SLC35F4: variants seen among roughly 807,000 people sequenced by gnomAD.
SLC35F4 encodes the protein solute carrier family 35 member F4, also known as chromosome 14 open reading frame 36.
A neutral mutation model predicts 44.2 loss-of-function variants in SLC35F4; 24 were observed. The observed-to-expected ratio is 0.54, with a 90% CI of 0.39 to 0.76. SLC35F4 has a LOEUF of 0.76. Among genes scored for constraint, SLC35F4 ranks in the 30% least tolerant of loss-of-function variants. The pLI, the probability that SLC35F4 is intolerant of heterozygous loss-of-function variation, is 0.00. For synonymous variants in SLC35F4, 238 were observed against 223.6 expected (o/e 1.06, Z -0.57); for missense variants, 562 against 586.1 (o/e 0.96, Z 0.42).
At chr14:57,958,312 C>A (rs1250238929) in intron 1 of SLC35F4, among the ~76,000 whole-genome samples, 1 of 152,158 alleles carries the variant, frequency 6.6e-6, no homozygotes, top group Non-Finnish European at 1.5e-5. Context: ...CCCGCCTCAG[C>A]CTCCCAAAGT....
At chr14:57,577,303 C>T (rs149452745) in intron 4 of SLC35F4, among the ~76,000 whole-genome samples, 37 of 152,102 alleles carry the variant, frequency 2.4e-4, no homozygotes, top group African/African-American at 8.2e-4. Flanking sequence ...TTTGGTAGAT[C>T]CTGGAAAGTC....
chr14:57,588,716 A>G (rs2069957085), intron 3 of SLC35F4, among the ~76,000 whole-genome samples: 1 of 152,208 alleles, frequency 6.6e-6, no homozygotes, highest in African/African-American at 2.4e-5. Flanking sequence ...GTTGCATGAA[A>G]TCAGGCCATG....
chr14:57,929,492 T>C (rs753308150), intron 1 of SLC35F4, among the ~76,000 whole-genome samples: 7 of 152,034 alleles, frequency 4.6e-5, no homozygotes, highest in Non-Finnish European at 7.4e-5. Context: ...GAACCATTAG[T>C]GTTCAGGAGA....
chr14:57,757,406 T>C (rs1415976926), intron 1 of SLC35F4, among the ~76,000 whole-genome samples: 1 of 152,186 alleles, frequency 6.6e-6, no homozygotes, highest in Non-Finnish European at 1.5e-5. Flanking sequence ...TTGATATTTG[T>C]TTTTATTAGC....
chr14:57,616,881 G>A (rs2071861516), intron 1 of SLC35F4, among the ~76,000 whole-genome samples: 1 of 151,972 alleles, frequency 6.6e-6, no homozygotes, highest in Non-Finnish European at 1.5e-5. Context: ...GGCTATAGCT[G>A]ACTAAACCTT....
chr14:57,841,597 G>T (rs567067092), intron 1 of SLC35F4, among the ~76,000 whole-genome samples: 20 of 152,276 alleles, frequency 1.3e-4, no homozygotes, highest in African/African-American at 4.8e-4. Flanking sequence ...GGTATCCACT[G>T]GCCTACTGAT....
chr14:57,703,531 G>A (rs113797395), intron 1 of SLC35F4, among the ~76,000 whole-genome samples: 200 of 152,238 alleles, frequency 1.3e-3, no homozygotes, highest in African/African-American at 4.4e-3. Flanking sequence ...CCAACAAGTG[G>A]GCAGTGGTAG....
upstream of SLC35F4, among the ~76,000 whole-genome samples, chr14:57,866,857 G>A (rs908058357): frequency 6.6e-6 from 1 of 151,866 alleles, no homozygotes; most frequent in African/African-American, 2.4e-5. Context: ...CTCCCCTCAG[G>A]TGTGGGACTC....
chr14:57,655,142 T>G (rs1437205853), intron 1 of SLC35F4, among the ~76,000 whole-genome samples: 1 of 152,182 alleles, frequency 6.6e-6, no homozygotes, highest in East Asian at 1.9e-4. Flanking sequence ...TACTTAGAAC[T>G]GAGAGCCATC....
At chr14:57,790,933 G>A (rs1228625883) in intron 1 of SLC35F4, among the ~76,000 whole-genome samples, 4 of 152,168 alleles carry the variant, frequency 2.6e-5, no homozygotes, top group Admixed American at 1.3e-4. Context: ...CTAGCCGTAT[G>A]CGGAAAACTG....
intron 1 of SLC35F4, among the ~76,000 whole-genome samples, chr14:57,642,562 T>TA (rs1420314634): frequency 3.9e-5 from 6 of 151,946 alleles, no homozygotes; most frequent in South Asian, 2.1e-4. Flanking sequence ...ACTTCTTATC[T>TA]AAAAACACAA....
At chr14:57,963,080 G>T (rs955483284) in intron 1 of SLC35F4, among the ~76,000 whole-genome samples, 1 of 152,186 alleles carries the variant, frequency 6.6e-6, no homozygotes, top group Non-Finnish European at 1.5e-5. Flanking sequence ...GTTGCTCAAA[G>T]GTCACTCCTT....
chr14:57,918,294 C>CTCA (rs1260424362), intron 1 of SLC35F4, among the ~76,000 whole-genome samples: 2 of 152,124 alleles, frequency 1.3e-5, no homozygotes, highest in African/African-American at 4.8e-5. Flanking sequence ...CCACCCTGAA[C>CTCA]CTCCAGCAAT....
chr14:57,750,730 G>A (rs1026822891), intron 1 of SLC35F4, among the ~76,000 whole-genome samples: 3 of 145,718 alleles, frequency 2.1e-5, no homozygotes, highest in African/African-American at 7.3e-5. Flanking sequence ...GAATTATTTG[G>A]GTTTGTTGTT....
At chr14:57,752,393 T>C (rs773569575) in intron 1 of SLC35F4, among the ~76,000 whole-genome samples, 8 of 152,052 alleles carry the variant, frequency 5.3e-5, no homozygotes, top group Non-Finnish European at 7.4e-5. Flanking sequence ...GAAAGTAACT[T>C]GAGTCCATCG....
At chr14:57,774,148 C>T (rs903950031) in intron 1 of SLC35F4, among the ~76,000 whole-genome samples, 3 of 152,058 alleles carry the variant, frequency 2.0e-5, no homozygotes, top group Admixed American at 2.0e-4. Context: ...ACTAGCAGAT[C>T]TTTAGAGGGA....
intron 1 of SLC35F4, among the ~76,000 whole-genome samples, chr14:57,715,843 T>C (rs1594867401): frequency 6.6e-6 from 1 of 152,242 alleles, no homozygotes; most frequent in Non-Finnish European, 1.5e-5. Flanking sequence ...CAAGATGGCA[T>C]AGGTATATGC....
At chr14:57,939,451 G>C (rs916624822) in intron 1 of SLC35F4, among the ~76,000 whole-genome samples, 1 of 152,184 alleles carries the variant, frequency 6.6e-6, no homozygotes, top group Non-Finnish European at 1.5e-5. Flanking sequence ...CCCAGTGCAC[G>C]AGGGGCATTG....
At chr14:57,883,112 A>C (rs1042791116) in intron 1 of SLC35F4, among the ~76,000 whole-genome samples, 27 of 152,182 alleles carry the variant, frequency 1.8e-4, no homozygotes, top group Admixed American at 6.5e-4. Flanking sequence ...CCACTTATTC[A>C]AGAAGAATGC....
Sources: gnomAD v4.1 joint callset for allele counts (sites outside exome capture counted in the v4.1 genomes callset) on GRCh38, gnomAD v4.1.1 for gene constraint, MANE v1.5 for transcripts, NCBI Gene and HGNC (gene_info 2026-07-23, HGNC 2026-07-21) for gene names.